Variants in MTFMT observed in about 807,000 individuals in gnomAD.
MTFMT encodes the protein mitochondrial methionyl-tRNA formyltransferase.
Under a neutral mutation model 51.8 loss-of-function variants are expected in MTFMT, and 47 were observed. That is an observed-to-expected ratio of 0.91 (90% CI 0.72 to 1.16). MTFMT has a LOEUF of 1.16. Ranked by LOEUF, MTFMT falls within the 50% of genes most tolerant of loss-of-function variation. The pLI is 0.00. For synonymous variants in MTFMT, 196 were observed against 176.7 expected (o/e 1.11, Z -0.87); for missense variants, 512 against 482.3 (o/e 1.06, Z -0.58).
At position 65,026,979 on chromosome 15, in the gene MTFMT, G is replaced by A. The variant is rs765973652; in HGVS notation, c.271C>T (p.Pro91Ser). ...LEVVTMPSPS[P>S]KGLPVKQYAV... ...TATTGCTTCACTGGCAGTCCTTTTGGTGATGGGGAAGGCATTGTGACCACC... is the reference window on the plus strand; with the variant it reads ...TATTGCTTCACTGGCAGTCCTTTTGATGATGGGGAAGGCATTGTGACCACC... Residue 91 changes from proline to serine, a missense_variant, in exon 2 of 9, where the codon CCA (proline) becomes TCA (serine). Transcript: ENST00000220058. The A allele has an allele frequency of 3.1e-6, 5 of 1,613,992 alleles. No homozygotes were observed. Among genetic ancestry groups the A allele is most frequent in the Non-Finnish European group, 4.2e-6 (5 of 1,179,890 alleles).
rs556700641 is a variant in MTFMT at position 65,020,351 on chromosome 15, C to T, written c.646-79G>A. 6.5e-5 allele frequency: 76 copies of T among 1,171,618 alleles called. No homozygotes were observed. In the South Asian group the frequency reaches 1.0e-3, roughly 16 times the overall value. 72.6% of individuals were successfully genotyped at this position (1,171,618 alleles called of 1,614,324 possible). ...AGCAGAAACACATTACAATTCAGCA[C>T]CATGAAATAACCTATAACTTTTTTT... On this transcript the variant is annotated intron_variant, in intron 4 of 8. Transcript: ENST00000220058.
intron 6 of MTFMT, among the ~76,000 whole-genome samples, chr15:65,011,473 T>G (rs2086265191): frequency 6.7e-6 from 1 of 148,232 alleles, no homozygotes. Context: ...TCCCTCCCAT[T>G]CTGTAAGCTG....
intron 8 of MTFMT, among the ~76,000 whole-genome samples, 166 bp from the exon 9 acceptor site, chr15:65,003,422 G>A (rs2086193852): frequency 6.6e-6 from 1 of 152,144 alleles, no homozygotes; most frequent in South Asian, 2.1e-4. Context: ...AGAATTCCTT[G>A]ACTCTATTAG....
chr15:65,021,892 T>C (rs1332881648), intron 3 of MTFMT, among the ~76,000 whole-genome samples: 2 of 152,236 alleles, frequency 1.3e-5, no homozygotes, highest in African/African-American at 2.4e-5. Flanking sequence ...ATATGTCAGT[T>C]TGAAAGACGG....
chr15:65,023,700 C>G lies in MTFMT; in HGVS notation c.514G>C (p.Val172Leu), dbSNP rs1312881450. Residue 172 changes from valine to leucine, a missense_variant, in exon 3 of 9, where the codon GTA becomes CTA. Physicochemically the swap from Val to Leu is conservative, Grantham distance 32. Coordinates refer to ENST00000220058, the MANE Select transcript of MTFMT (RefSeq NM_139242.4). ...TTAGGTCTAATTTGCATAATTGTTA[C>G]TCCAGTAACTGTGTCTCCGTGAAGC... ...TVLHGDTVTG[V>L]TIMQIRPKRF... 1 of 1,613,560 alleles carries G rather than the reference C, an allele frequency of 6.2e-7. No individual in the cohort carries two copies. The highest frequency in any genetic ancestry group is 1.1e-5 in the South Asian group (1 of 91,056).
chr15:65,017,104 A>T (rs28507723), intron 5 of MTFMT, among the ~76,000 whole-genome samples: 82,846 of 150,006 alleles, frequency 0.55, 24,147 homozygotes, highest in East Asian at 0.82. Flanking sequence ...AAAAAAAAAA[A>T]AAGACAAAAA....
chr15:65,005,783 T>G (rs1477987005), intron 7 of MTFMT, among the ~76,000 whole-genome samples: 1 of 152,100 alleles, frequency 6.6e-6, no homozygotes, highest in Non-Finnish European at 1.5e-5. Flanking sequence ...TAAATTTTTG[T>G]ATTTAGTAGA....
At position 65,023,797 on chromosome 15, in the gene MTFMT, G is replaced by GTTAGAAAATGT. The variant is rs2086396614; in HGVS notation, c.420-4_420-3insACATTTTCTAA. The GTTAGAAAATGT allele has an allele frequency of 6.2e-7, 1 of 1,608,706 alleles. No homozygotes were observed. Among genetic ancestry groups the GTTAGAAAATGT allele is most frequent in the East Asian group, 2.2e-5 (1 of 44,740 alleles). On this transcript the variant is annotated splice_polypyrimidine_tract_variant and splice_region_variant and intron_variant, in intron 2 of 8. Transcript: ENST00000220058. ...TGGGATGAACATTCAATATGCCACT[G>GTTAGAAAATGT]AGTTAGAAAATGTAGAAATTAGTAT...
intron 2 of MTFMT, among the ~76,000 whole-genome samples, chr15:65,024,445 A>G (rs1209024278): frequency 6.6e-6 from 1 of 152,224 alleles, no homozygotes; most frequent in Admixed American, 6.5e-5. Flanking sequence ...CTAATTTTAT[A>G]GTTTAGTCAC....
intron 4 of MTFMT, among the ~76,000 whole-genome samples, chr15:65,020,741 AT>A (rs2086367179): frequency 6.6e-6 from 1 of 152,218 alleles, no homozygotes; most frequent in Non-Finnish European, 1.5e-5. Flanking sequence ...TGGAAAAGTT[AT>A]TTAGCTTGTC....
intron 6 of MTFMT, among the ~76,000 whole-genome samples, chr15:65,013,287 CT>C (rs71447831): frequency 4.9e-5 from 7 of 142,794 alleles, no homozygotes; most frequent in Admixed American, 6.8e-5. Flanking sequence ...CTTTCTTCTT[CT>C]TTTTTTTTTA....
At chr15:65,007,536 T>C (rs2086228558) in intron 6 of MTFMT, among the ~76,000 whole-genome samples, 1 of 152,238 alleles carries the variant, frequency 6.6e-6, no homozygotes, top group African/African-American at 2.4e-5. Flanking sequence ...CTTGTCGATA[T>C]ATCTTTGAGG....
chr15:65,019,657 A>C (rs1391298733), intron 5 of MTFMT, among the ~76,000 whole-genome samples: 1 of 152,144 alleles, frequency 6.6e-6, no homozygotes, highest in Non-Finnish European at 1.5e-5. Flanking sequence ...AATTTTTTTT[A>C]GAGACTAAAG....
rs575845297 is a variant in MTFMT at position 65,021,909 on chromosome 15, A to C, written c.543-293T>G. Among the ~76,000 whole-genome samples, 4 of 152,376 alleles carry C rather than the reference A, an allele frequency of 2.6e-5. No individual in the cohort carries two copies. In the East Asian group the frequency reaches 7.7e-4, roughly 29 times the overall value. ...ATGTCAGTTTGAAAGACGGGAGAAC[A>C]AAATATGGCCTGTGTTTAGAGTCTA... On this transcript the variant is annotated intron_variant, in intron 3 of 8. Coordinates refer to ENST00000220058, the MANE Select transcript of MTFMT (RefSeq NM_139242.4).
chr15:65,029,527 C>T lies in MTFMT; in HGVS notation c.87G>A (p.Leu29=). Residue 29 remains leucine, a synonymous_variant, in exon 1 of 9, where the codon CTG becomes CTA. Coordinates refer to ENST00000220058, the MANE Select transcript of MTFMT (RefSeq NM_139242.4). ...RGRPSPQWRA[L]ARLGWEDCRD... ...GGCAGTCCTCCCAGCCGAGTCGGGC[C>T]AGTGCTCGCCACTGGGGACTCGGCC... 1.3e-6 allele frequency: 2 copies of T among 1,527,016 alleles called. No homozygotes were observed. Among genetic ancestry groups the T allele is most frequent in the Non-Finnish European group, 1.8e-6 (2 of 1,139,188 alleles). 94.6% of individuals were successfully genotyped at this position (1,527,016 alleles called of 1,614,324 possible).
intron 5 of MTFMT, among the ~76,000 whole-genome samples, chr15:65,018,367 T>C (rs1230860553): frequency 1.3e-5 from 2 of 152,104 alleles, no homozygotes; most frequent in East Asian, 1.9e-4. Context: ...AATATTGGTA[T>C]TGTAATGCTG....
intron 5 of MTFMT, among the ~76,000 whole-genome samples, chr15:65,019,177 C>A (rs959179632): frequency 6.6e-6 from 1 of 152,180 alleles, no homozygotes; most frequent in Non-Finnish European, 1.5e-5. Flanking sequence ...CATCTTAACA[C>A]TGGAAAGATC....
intron 4 of MTFMT, 30 bp from the exon 5 acceptor site, chr15:65,020,302 A>G (rs1171038674): frequency 6.4e-7 from 1 of 1,562,190 alleles, no homozygotes; most frequent in Non-Finnish European, 8.8e-7. Flanking sequence ...AGTGTGATAT[A>G]TTCAAAATGA....
At chr15:65,007,725 T>G (rs2086230799) in intron 6 of MTFMT, among the ~76,000 whole-genome samples, 1 of 152,244 alleles carries the variant, frequency 6.6e-6, no homozygotes, top group Non-Finnish European at 1.5e-5. Flanking sequence ...TATGTGCACT[T>G]TTAATTTATT....
Sources: gnomAD v4.1 joint callset for allele counts (sites outside exome capture counted in the v4.1 genomes callset) on GRCh38, gnomAD v4.1.1 for gene constraint, MANE v1.5 for transcripts, NCBI Gene and HGNC (gene_info 2026-07-23, HGNC 2026-07-21) for gene names.